FBXO34: variants seen among roughly 807,000 people sequenced by gnomAD.
The protein encoded by FBXO34 is F-box protein 34.
FBXO34 carries 12 observed loss-of-function variants against 24.5 expected under a neutral mutation model. The observed-to-expected ratio is 0.49, with a 90% CI of 0.31 to 0.79. The LOEUF (loss-of-function observed/expected upper bound fraction) is 0.79. FBXO34 is among the 30% of genes least tolerant of loss of function. The pLI is 0.04. For synonymous variants in FBXO34, 320 were observed against 311.9 expected (o/e 1.03, Z -0.27); for missense variants, 823 against 857.7 (o/e 0.96, Z 0.51).
chr14:55,351,691 G>C lies in FBXO34; in HGVS notation c.1301G>C (p.Cys434Ser). 1.2e-6 allele frequency: 2 copies of C among 1,614,228 alleles called. No homozygotes were observed. Among genetic ancestry groups the C allele is most frequent in the African/African-American group, 2.7e-5 (2 of 75,066 alleles). Residue 434 changes from cysteine (C) to serine (S), a missense_variant, in exon 2 of 2, where the codon TGT becomes TCT. Transcript: ENST00000313833. ...GAATTGCCCACAGATGCTGTTGATT[G>C]TATGAGCAGAGAGCTTGTGTCCCTT... is the stretch of plus-strand genomic sequence containing the variant. ...ASELPTDAVD[C>S]MSRELVSLTS...
intron 1 of FBXO34, among the ~76,000 whole-genome samples, chr14:55,291,107 A>G (rs758691337): frequency 5.9e-5 from 9 of 152,120 alleles, no homozygotes; most frequent in African/African-American, 2.2e-4. Context: ...GATTTTAGGC[A>G]TGAGCCATCA....
downstream of FBXO34, among the ~76,000 whole-genome samples, chr14:55,372,597 C>T (rs553951960): frequency 6.6e-6 from 1 of 151,846 alleles, no homozygotes; most frequent in South Asian, 2.1e-4. Context: ...CTCACTCCTT[C>T]CCTTCCTCCT....
intron 1 of FBXO34, among the ~76,000 whole-genome samples, chr14:55,350,022 C>T (rs570875684): frequency 1.7e-4 from 26 of 152,026 alleles, no homozygotes; most frequent in African/African-American, 6.0e-4. Flanking sequence ...TTATACTTTC[C>T]TTTCTTCTGT....
chr14:55,357,718 C>G (rs1443474904), downstream of FBXO34, among the ~76,000 whole-genome samples: 1 of 152,134 alleles, frequency 6.6e-6, no homozygotes, highest in Non-Finnish European at 1.5e-5. Flanking sequence ...GAGGCTGATG[C>G]AGGAGGACAG....
the FBXO34 span, among the ~76,000 whole-genome samples, chr14:55,394,573 A>G: frequency 2.0e-5 from 3 of 152,156 alleles, no homozygotes; most frequent in Non-Finnish European, 4.4e-5. Context: ...TACACTACAG[A>G]TTCAAATTTT....
chr14:55,304,800 C>G (rs7153645), intron 1 of FBXO34, among the ~76,000 whole-genome samples: 56,574 of 152,034 alleles, frequency 0.37, 11,112 homozygotes, highest in Non-Finnish European at 0.43. Flanking sequence ...GCCCAACCCA[C>G]CCTAGCCCAT....
chr14:55,338,905 CAAAAACAAAA>C (rs1371386755), intron 1 of FBXO34, among the ~76,000 whole-genome samples: 1 of 109,580 alleles, frequency 9.1e-6, no homozygotes, highest in Non-Finnish European at 1.9e-5. Context: ...GACTCCATCT[CAAAAACAAAA>C]AAAAACAAAA....
the FBXO34 span, among the ~76,000 whole-genome samples, chr14:55,384,449 T>A: frequency 6.6e-6 from 1 of 152,236 alleles, no homozygotes; most frequent in African/African-American, 2.4e-5. Context: ...TCTCTCCAAC[T>A]GTCCTGCTAA....
At chr14:55,323,017 C>CAAAAAAAAAAAAAAAAAAAA (rs1444620301) in intron 1 of FBXO34, among the ~76,000 whole-genome samples, 3 of 40,894 alleles carry the variant, frequency 7.3e-5, no homozygotes, top group African/African-American at 3.1e-4. Context: ...ACTAAAAATA[C>CAAAAAAAAAAAAAAAAAAAA]AAAAAAAAAA....
At chr14:55,434,783 G>C in the FBXO34 span, among the ~76,000 whole-genome samples, 1 of 152,122 alleles carries the variant, frequency 6.6e-6, no homozygotes, top group African/African-American at 2.4e-5. Flanking sequence ...AACAATACTA[G>C]GGCAACAGCA....
the FBXO34 span, among the ~76,000 whole-genome samples, chr14:55,378,644 C>T: frequency 6.6e-6 from 1 of 151,982 alleles, no homozygotes; most frequent in Non-Finnish European, 1.5e-5. Context: ...CCCCTATGAT[C>T]ACACACCTGC....
intron 1 of FBXO34, among the ~76,000 whole-genome samples, chr14:55,315,073 T>C (rs75533228): frequency 0.01 from 1,563 of 152,130 alleles, 12 homozygotes; most frequent in Non-Finnish European, 0.016. Context: ...TTCCCTGGTA[T>C]AGGTATTTAT....
intron 1 of FBXO34, among the ~76,000 whole-genome samples, chr14:55,279,749 CCTA>C (rs1228738144): frequency 3.3e-5 from 5 of 152,152 alleles, no homozygotes; most frequent in Admixed American, 2.0e-4. Flanking sequence ...CCAGCCTGGG[CCTA>C]CCTCTGGAGC....
At chr14:55,290,559 G>A (rs903918118) in intron 1 of FBXO34, among the ~76,000 whole-genome samples, 1 of 152,108 alleles carries the variant, frequency 6.6e-6, no homozygotes, top group African/African-American at 2.4e-5. Context: ...TATGCTGCCT[G>A]TGTCCTCATT....
At position 55,352,362 on chromosome 14, in the gene FBXO34, T is replaced by C; in HGVS notation, c.1972T>C (p.Leu658=). Residue 658 remains leucine (L), a synonymous_variant, in exon 2 of 2, where the codon TTG becomes CTG. Coordinates refer to ENST00000313833, the MANE Select transcript of FBXO34 (RefSeq NM_017943.4). ...RWHPKPYCQA[L]PYGPGYWMCC... ...GCACCCCAAGCCCTATTGCCAGGCATTGCCCTATGGGCCAGGGTATTGGAT... is the reference window on the plus strand; with the variant it reads ...GCACCCCAAGCCCTATTGCCAGGCACTGCCCTATGGGCCAGGGTATTGGAT... 1 of 1,614,244 alleles carries C rather than the reference T, an allele frequency of 6.2e-7. No individual in the cohort carries two copies. Among genetic ancestry groups the C allele is most frequent in the Non-Finnish European group, 8.5e-7 (1 of 1,180,046 alleles).
the FBXO34 span, among the ~76,000 whole-genome samples, chr14:55,408,460 C>A: frequency 6.6e-6 from 1 of 151,800 alleles, no homozygotes; most frequent in Non-Finnish European, 1.5e-5. Flanking sequence ...CCCCTCCCCC[C>A]TCAAACAAAC....
the FBXO34 span, chr14:55,385,854 T>G: frequency 6.3e-7 from 1 of 1,599,894 alleles, no homozygotes. Flanking sequence ...ACTTGCTTAA[T>G]GTACCTCACA....
chr14:55,316,435 A>C (rs111280649), intron 1 of FBXO34, among the ~76,000 whole-genome samples: 2 of 151,754 alleles, frequency 1.3e-5, no homozygotes, highest in Non-Finnish European at 2.9e-5. Flanking sequence ...AAAATAAAAA[A>C]AAAAAAATTA....
chr14:55,409,569 AAAAC>A, the FBXO34 span, among the ~76,000 whole-genome samples: 1 of 152,192 alleles, frequency 6.6e-6, no homozygotes. Flanking sequence ...CCTAAAAAAA[AAAAC>A]AAAGGAGGCA....
Sources: gnomAD v4.1 joint callset for allele counts (sites outside exome capture counted in the v4.1 genomes callset) on GRCh38, gnomAD v4.1.1 for gene constraint, MANE v1.5 for transcripts, NCBI Gene and HGNC (gene_info 2026-07-23, HGNC 2026-07-21) for gene names.